The following FILIP1 variants were observed in gnomAD, a reference collection of about 807,000 sequenced individuals.
FILIP1 encodes the protein filamin A interacting protein 1.
Under a neutral mutation model 102.1 loss-of-function variants are expected in FILIP1, and 61 were observed. That is an observed-to-expected ratio of 0.60 (90% CI 0.49 to 0.74). FILIP1 has a LOEUF of 0.74. FILIP1 is among the 30% of genes least tolerant of loss of function. The pLI, the probability that FILIP1 is intolerant of heterozygous loss-of-function variation, is 0.00. For synonymous variants in FILIP1, 491 were observed against 526.9 expected (o/e 0.93, Z 0.93); for missense variants, 1,314 against 1,441.2 (o/e 0.91, Z 1.43).
intron 4 of FILIP1, among the ~76,000 whole-genome samples, chr6:75,336,627 T>C (rs1774251841): frequency 6.6e-6 from 1 of 152,208 alleles, no homozygotes; most frequent in South Asian, 2.1e-4. Flanking sequence ...GCATTGCTTA[T>C]GTTCAAGCCA....
chr6:75,487,755 T>A (rs1229794142), intron 1 of FILIP1, among the ~76,000 whole-genome samples: 2 of 152,090 alleles, frequency 1.3e-5, no homozygotes, highest in African/African-American at 2.4e-5. Flanking sequence ...ATACCTTTCT[T>A]ACACCTTTTC....
chr6:75,456,037 C>G (rs1165589051), intron 1 of FILIP1, among the ~76,000 whole-genome samples: 1 of 152,210 alleles, frequency 6.6e-6, no homozygotes, highest in African/African-American at 2.4e-5. Context: ...AAAACTACCT[C>G]TTTCTTGCAA....
At chr6:75,467,462 T>G (rs1393077373) in intron 1 of FILIP1, among the ~76,000 whole-genome samples, 1 of 152,176 alleles carries the variant, frequency 6.6e-6, no homozygotes, top group Non-Finnish European at 1.5e-5. Flanking sequence ...GTGTACTTGC[T>G]CTCAGCTCTC....
chr6:75,353,744 T>C lies in FILIP1; in HGVS notation c.451-27A>G, dbSNP rs779100430. The C allele has an allele frequency of 2.5e-6, 4 of 1,606,130 alleles. No homozygotes were observed. In the East Asian group the frequency reaches 6.7e-5, roughly 27 times the overall value. On this transcript the variant is annotated intron_variant, in intron 3 of 5. Transcript: ENST00000237172. Reference sequence around the variant, plus strand: ...TGAATAAGCAAACATGGGAAAGGGCTTAATATTTTATTGCATTTGCATAGG... The same window carrying C: ...TGAATAAGCAAACATGGGAAAGGGCCTAATATTTTATTGCATTTGCATAGG...
intron 2 of FILIP1, among the ~76,000 whole-genome samples, chr6:75,407,506 G>A (rs565106407): frequency 1.3e-5 from 2 of 152,302 alleles, no homozygotes; most frequent in South Asian, 2.1e-4. Context: ...GATTACAGGC[G>A]TGAGCCACCG....
intron 1 of FILIP1, among the ~76,000 whole-genome samples, chr6:75,485,179 T>C (rs1932523): frequency 0.64 from 97,157 of 152,072 alleles, 31,394 homozygotes; most frequent in African/African-American, 0.69. Flanking sequence ...AGATGTTATG[T>C]CAAGAAAACA....
chr6:75,408,639 G>A (rs181741268), intron 2 of FILIP1, among the ~76,000 whole-genome samples: 1 of 152,304 alleles, frequency 6.6e-6, no homozygotes, highest in Non-Finnish European at 1.5e-5. Context: ...TGGAGAGAAT[G>A]AGAGAGATCA....
chr6:75,410,592 G>A (rs549103416), intron 2 of FILIP1, among the ~76,000 whole-genome samples: 15 of 151,878 alleles, frequency 9.9e-5, no homozygotes, highest in Admixed American at 3.3e-4. Flanking sequence ...TGTTCCCCTC[G>A]CTGTGCCCAT....
At chr6:75,442,741 G>T (rs1034124475) in intron 1 of FILIP1, among the ~76,000 whole-genome samples, 3 of 152,108 alleles carry the variant, frequency 2.0e-5, no homozygotes, top group Admixed American at 6.5e-5. Context: ...GAGGGAGACC[G>T]TGGGGAGAGG....
chr6:75,300,226 T>C (rs1280652308), intron 6 of FILIP1, among the ~76,000 whole-genome samples: 1 of 152,202 alleles, frequency 6.6e-6, no homozygotes, highest in Admixed American at 6.5e-5. Context: ...ATTCAACTTA[T>C]AACAAGACGT....
chr6:75,418,358 A>G lies in FILIP1; in HGVS notation c.-6-3380T>C, dbSNP rs372854568. Among the ~76,000 whole-genome samples, 56 of 152,346 alleles carry G rather than the reference A, an allele frequency of 3.7e-4. No homozygotes were observed. The South Asian group carries it at 4.3e-3, about 12-fold the overall frequency. On this transcript the variant is annotated intron_variant, in intron 1 of 5. Transcript: ENST00000237172. ...AATAATATGTTTTCTGAAATAATTAACCTTCTGCAGAACTTCTAAGATGAT... is the reference window on the plus strand; with the variant it reads ...AATAATATGTTTTCTGAAATAATTAGCCTTCTGCAGAACTTCTAAGATGAT...
At chr6:75,319,041 G>C in intron 4 of FILIP1, 31 of 678,020 alleles carry the variant, frequency 4.6e-5, no homozygotes, top group Non-Finnish European at 4.5e-5. Context: ...ATTCATCATC[G>C]TCATCTTCTT....
chr6:75,485,866 T>A (rs986006423), intron 1 of FILIP1, among the ~76,000 whole-genome samples: 1 of 152,022 alleles, frequency 6.6e-6, no homozygotes, highest in African/African-American at 2.4e-5. Context: ...AACATCATGC[T>A]GCCAGAATAG....
intron 1 of FILIP1, among the ~76,000 whole-genome samples, chr6:75,423,842 GT>G (rs1286833764): frequency 6.6e-6 from 1 of 152,132 alleles, no homozygotes; most frequent in Non-Finnish European, 1.5e-5. Flanking sequence ...CTTTCCAAGA[GT>G]TTATCGAATC....
intron 1 of FILIP1, among the ~76,000 whole-genome samples, chr6:75,427,401 T>A (rs1260539908): frequency 6.6e-6 from 1 of 152,166 alleles, no homozygotes; most frequent in Non-Finnish European, 1.5e-5. Flanking sequence ...TTTCAGGCTA[T>A]GCATGCAAAG....
intron 2 of FILIP1, among the ~76,000 whole-genome samples, chr6:75,376,788 C>T (rs1367544663): frequency 1.3e-5 from 2 of 152,118 alleles, no homozygotes; most frequent in African/African-American, 2.4e-5. Flanking sequence ...GTGCCATGAA[C>T]CTAGTGGACC....
intron 3 of FILIP1, among the ~76,000 whole-genome samples, chr6:75,356,760 C>T (rs573386189): frequency 7.2e-5 from 11 of 152,196 alleles, no homozygotes; most frequent in South Asian, 2.1e-4. Context: ...TGAGCCACCG[C>T]GGCTGGTCAA....
intron 4 of FILIP1, among the ~76,000 whole-genome samples, chr6:75,347,905 G>A (rs904936111): frequency 2.0e-5 from 3 of 152,070 alleles, no homozygotes; most frequent in African/African-American, 7.2e-5. Context: ...AAGCTGATTT[G>A]TACTTTAAAA....
At chr6:75,406,961 G>A (rs555602910) in intron 2 of FILIP1, among the ~76,000 whole-genome samples, 2 of 151,832 alleles carry the variant, frequency 1.3e-5, no homozygotes, top group Non-Finnish European at 2.9e-5. Flanking sequence ...CCTGGCATCA[G>A]CAATGTTTCT....
Sources: allele counts gnomAD v4.1 joint callset (sites outside exome capture counted in the v4.1 genomes callset), GRCh38; gene constraint gnomAD v4.1.1; transcripts MANE v1.5; gene names NCBI Gene and HGNC (gene_info 2026-07-23, HGNC 2026-07-21).